ARHGAP18: variants seen among roughly 807,000 people sequenced by gnomAD.
ARHGAP18 encodes the protein Rho GTPase activating protein 18, also known as rho GTPase-activating protein 18.
Under a neutral mutation model 86.2 loss-of-function variants are expected in ARHGAP18, and 67 were observed. The observed-to-expected ratio is 0.78, with a 90% CI of 0.64 to 0.95. The LOEUF (loss-of-function observed/expected upper bound fraction) is 0.95. Ranked by LOEUF, ARHGAP18 falls within the 40% of genes least tolerant of loss-of-function variation. The pLI is 0.00. For missense variants in ARHGAP18, 691 were observed against 780.4 expected (o/e 0.89, Z 1.37); for synonymous variants, 283 against 280.4 (o/e 1.01, Z -0.09).
intron 5 of ARHGAP18, among the ~76,000 whole-genome samples, chr6:129,620,796 G>C (rs1231213043): frequency 1.3e-5 from 2 of 152,118 alleles, no homozygotes; most frequent in African/African-American, 4.8e-5. Flanking sequence ...ACCATTGGGG[G>C]TATCCAATAT....
intron 4 of ARHGAP18, among the ~76,000 whole-genome samples, chr6:129,633,431 C>T (rs1251477912): frequency 4.4e-4 from 42 of 95,102 alleles, no homozygotes; most frequent in African/African-American, 1.9e-3. Flanking sequence ...CAAGACTCCA[C>T]CTCAAAAAAA....
At chr6:129,613,188 G>T (rs545795200) in intron 7 of ARHGAP18, among the ~76,000 whole-genome samples, 1 of 144,690 alleles carries the variant, frequency 6.9e-6, no homozygotes, top group Admixed American at 7.2e-5. Context: ...AGCCAAGATC[G>T]CAACAGTGCA....
At position 129,578,736 on chromosome 6, in the gene ARHGAP18, G is replaced by T. The variant is rs1364774749; in HGVS notation, c.1901-132C>A. ...TATTCTACTTTGGGAGGCCGAGGTG[G>T]GCAGATTGGTTGAGATCAGGAGTTT... On this transcript the variant is annotated intron_variant, in intron 14 of 14. Coordinates refer to ENST00000368149, the MANE Select transcript of ARHGAP18 (RefSeq NM_033515.3). 8.0e-6 allele frequency: 5 copies of T among 625,090 alleles called. No homozygotes were observed. In the East Asian group the frequency reaches 1.8e-4, roughly 22 times the overall value. 38.7% of individuals were successfully genotyped at this position (625,090 alleles called of 1,614,324 possible). A position where few individuals can be genotyped will look rare whatever the true frequency, so the allele number is the denominator to read the frequency against.
chr6:129,625,618 T>TTATATATTATATATATTTATATTA (rs1789408424), intron 5 of ARHGAP18, among the ~76,000 whole-genome samples: 2 of 46,000 alleles, frequency 4.3e-5, no homozygotes, highest in Non-Finnish European at 8.5e-5. Flanking sequence ...TATTATATAT[T>TTATATATTATATATATTTATATTA]TATATATTAT....
intron 1 of ARHGAP18, among the ~76,000 whole-genome samples, chr6:129,663,939 A>G (rs1360179874): frequency 6.6e-6 from 1 of 152,258 alleles, no homozygotes; most frequent in East Asian, 1.9e-4. Flanking sequence ...TGTTTCAAAC[A>G]TTTTTAAATT....
intron 1 of ARHGAP18, among the ~76,000 whole-genome samples, chr6:129,697,432 T>A (rs968433714): frequency 8.4e-6 from 1 of 119,620 alleles, no homozygotes; most frequent in African/African-American, 3.1e-5. Flanking sequence ...AGATCCATCC[T>A]GCAGATGGGA....
At chr6:129,682,080 A>AT (rs1253289610) in intron 1 of ARHGAP18, among the ~76,000 whole-genome samples, 1 of 152,322 alleles carries the variant, frequency 6.6e-6, no homozygotes, top group East Asian at 1.9e-4. Context: ...ACATACAATT[A>AT]TTTTTTAAAG....
Position 129,618,718 on chromosome 6 carries a change from T to G in ARHGAP18, c.921A>C (p.Lys307Asn), listed in dbSNP as rs778978249. The G allele has an allele frequency of 1.4e-5, 23 of 1,607,710 alleles. No individual in the cohort carries two copies. Among genetic ancestry groups the G allele is most frequent in the East Asian group, 2.2e-5 (1 of 44,798 alleles). ...TTTTGATTTTCACAGCTTTTTGTTG[T>G]TTCAGCTCAATACCCAATACATCAT... The part of the protein sequence containing the change: ...ALYDVLGIEL[K>N]QQKAVKIKTK... The change falls in exon 6 of 15, where the codon AAA (lysine) becomes AAC (asparagine). Residue 307 changes from lysine (K) to asparagine (N), a missense_variant. By Grantham distance (94) the Lys-to-Asn change is moderately conservative. Transcript: ENST00000368149.
intron 1 of ARHGAP18, among the ~76,000 whole-genome samples, chr6:129,659,942 C>T (rs984144167): frequency 6.6e-6 from 1 of 152,106 alleles, no homozygotes; most frequent in African/African-American, 2.4e-5. Context: ...GCCTTCAAGG[C>T]ATGGCAACCA....
chr6:129,680,242 G>T (rs73776369), intron 1 of ARHGAP18, among the ~76,000 whole-genome samples: 2,410 of 151,950 alleles, frequency 0.016, 56 homozygotes, highest in African/African-American at 0.055. Context: ...GAAAGCCTAA[G>T]AATGAAAAAG....
At chr6:129,634,679 T>A (rs113273873) in intron 3 of ARHGAP18, among the ~76,000 whole-genome samples, 1,792 of 151,636 alleles carry the variant, frequency 0.012, 33 homozygotes, top group African/African-American at 0.04. Flanking sequence ...ATGGGGAAGG[T>A]CTGTTAATGG....
chr6:129,690,473 C>A (rs757497055), intron 1 of ARHGAP18, among the ~76,000 whole-genome samples: 5 of 152,090 alleles, frequency 3.3e-5, no homozygotes, highest in Admixed American at 6.5e-5. Context: ...TAAAACATAA[C>A]AATTCAGAGA....
intron 5 of ARHGAP18, among the ~76,000 whole-genome samples, chr6:129,623,749 A>G (rs572801922): frequency 6.6e-6 from 1 of 152,330 alleles, no homozygotes; most frequent in East Asian, 1.9e-4. Context: ...ACGGACTAAA[A>G]AAGAGTTTCT....
In ARHGAP18 at chr6:129,657,899, T is replaced by A. The variant is rs1346310338; in HGVS notation, c.114-15881A>T. 2.0e-5 allele frequency among the ~76,000 whole-genome samples: 3 copies of A among 152,336 alleles called. No homozygotes were observed. In the South Asian group the frequency reaches 6.2e-4, roughly 32 times the overall value. Reference sequence around the variant, plus strand: ...GCCTCCTAAGCATTCACCTAATCCTTACTTTGGGCTATTGCTCCATGAATC... The same window carrying A: ...GCCTCCTAAGCATTCACCTAATCCTAACTTTGGGCTATTGCTCCATGAATC... On this transcript the variant is annotated intron_variant, in intron 1 of 14. Coordinates refer to ENST00000368149, the MANE Select transcript of ARHGAP18 (RefSeq NM_033515.3).
chr6:129,696,463 G>A (rs1320358581), intron 1 of ARHGAP18, among the ~76,000 whole-genome samples: 5 of 152,100 alleles, frequency 3.3e-5, no homozygotes, highest in Non-Finnish European at 5.9e-5. Context: ...AAACATTTTT[G>A]AGAATCAAGC....
In ARHGAP18 at chr6:129,686,788, C is replaced by CTT. The variant is rs553951472; in HGVS notation, c.113+23234_113+23235dup. 7.0e-3 allele frequency among the ~76,000 whole-genome samples: 822 copies of CTT among 117,474 alleles called. 5 individuals are homozygous for CTT. Among genetic ancestry groups the CTT allele is most frequent in the Non-Finnish European group, 0.011 (605 of 55,528 alleles). 77.1% of individuals were successfully genotyped at this position (117,474 alleles called of 152,430 possible). On this transcript the variant is annotated intron_variant, in intron 1 of 14. Transcript: ENST00000368149. ...CACTGAATTCCCTCCCTAATAAAAC[C>CTT]TTTTTTTTTTTTTTTTTTTGAGATG...
chr6:129,592,996 G>A (rs914332251), intron 12 of ARHGAP18, among the ~76,000 whole-genome samples: 4 of 152,054 alleles, frequency 2.6e-5, no homozygotes, highest in African/African-American at 9.7e-5. Flanking sequence ...AAAGTTTCAT[G>A]ATAAAATTAA....
chr6:129,673,991 T>C (rs375026547), intron 1 of ARHGAP18, among the ~76,000 whole-genome samples: 365 of 152,204 alleles, frequency 2.4e-3, no homozygotes, highest in Non-Finnish European at 3.8e-3. Context: ...TCCTCCTCTT[T>C]GAAAAAGATA....
chr6:129,649,671 A>G (rs1241593484), intron 1 of ARHGAP18, among the ~76,000 whole-genome samples: 1 of 151,016 alleles, frequency 6.6e-6, no homozygotes, highest in African/African-American at 2.4e-5. Flanking sequence ...CAGTGGGTAG[A>G]AAAGAAAAAA....
Sources: allele counts gnomAD v4.1 joint callset (sites outside exome capture counted in the v4.1 genomes callset), GRCh38; gene constraint gnomAD v4.1.1; transcripts MANE v1.5; gene names NCBI Gene and HGNC (gene_info 2026-07-23, HGNC 2026-07-21).